Variants in CDHR3 observed in about 807,000 individuals in gnomAD.
CDHR3 encodes the protein cadherin-related family member 3.
Under a neutral mutation model 86.6 loss-of-function variants are expected in CDHR3, and 79 were observed. The ratio of observed to expected loss-of-function variants is 0.91; its 90% CI spans 0.76 to 1.10. The LOEUF is 1.10. Ranked by LOEUF, CDHR3 falls within the 50% of genes least tolerant of loss-of-function variation. The pLI is 0.00. For synonymous variants in CDHR3, 421 were observed against 402.4 expected, an observed-to-expected ratio of 1.05 and a Z score of -0.55; for missense variants, 1,081 against 1,077.6, an observed-to-expected ratio of 1.00 and a Z score of -0.04.
chr7:106,001,523 A>G lies in CDHR3; in HGVS notation c.775A>G (p.Thr259Ala). 1 of 1,613,926 alleles carries G rather than the reference A, an allele frequency of 6.2e-7. No individual in the cohort carries two copies. Among genetic ancestry groups the G allele is most frequent in the Non-Finnish European group, 8.5e-7 (1 of 1,179,838 alleles). Residue 259 changes from threonine (T) to alanine (A), a missense_variant, in exon 7 of 19, where the codon ACA (threonine) becomes GCA (alanine). By Grantham distance (58) the Thr-to-Ala change is moderately conservative. Transcript: ENST00000317716. ...TCCAGGAACCATCGTGGCCAATATC[A>G]CAGCGGAGGATCCTGATGATGAAGG... The part of the protein sequence containing the change: ...LSPGTIVANI[T>A]AEDPDDEGFP...
At chr7:105,964,214 A>G (rs1363142991) in intron 1 of CDHR3, among the ~76,000 whole-genome samples, 2 of 152,142 alleles carry the variant, frequency 1.3e-5, no homozygotes, top group African/African-American at 4.8e-5. Context: ...TTTCCTTCAT[A>G]TAGATTTGGT....
intron 12 of CDHR3, among the ~76,000 whole-genome samples, chr7:106,018,947 G>A (rs1449997616): frequency 6.6e-6 from 1 of 152,100 alleles, no homozygotes; most frequent in South Asian, 2.1e-4. Context: ...CGGCGCTGCT[G>A]GTCCCCTGCC....
chr7:106,000,399 C>T (rs1832956545), intron 6 of CDHR3, among the ~76,000 whole-genome samples: 1 of 152,232 alleles, frequency 6.6e-6, no homozygotes, highest in Non-Finnish European at 1.5e-5. Context: ...ATTTCTCCTT[C>T]CTCTGGCCCT....
Position 106,018,023 on chromosome 7 carries a change from A to G in CDHR3, c.1604A>G (p.Tyr535Cys), listed in dbSNP as rs759931588. The G allele has an allele frequency of 3.1e-6, 5 of 1,613,870 alleles. No homozygotes were observed. Among genetic ancestry groups the G allele is most frequent in the Non-Finnish European group, 3.4e-6 (4 of 1,179,842 alleles). The change falls in exon 12 of 19, where the codon TAT becomes TGT. Residue 535 changes from tyrosine (Y) to cysteine (C), a missense_variant. Tyr to Cys is a radical substitution (Grantham distance 194). Coordinates refer to ENST00000317716, the MANE Select transcript of CDHR3 (RefSeq NM_152750.5). ...GTGGACTGTGAAACAACCCCCATCT[A>G]TATTCTCAGAATCCAGGCCACCAAC... Reference protein sequence around the residue: ...TKVDCETTPIYILRIQATNNE... With the variant: ...TKVDCETTPICILRIQATNNE...
chr7:105,991,010 G>C (rs1831272782), intron 4 of CDHR3, among the ~76,000 whole-genome samples: 1 of 152,226 alleles, frequency 6.6e-6, no homozygotes, highest in African/African-American at 2.4e-5. Context: ...GAGAAACCTG[G>C]GGTGGTGGTA....
At chr7:105,994,612 C>G in intron 4 of CDHR3, 139 bp from the exon 5 acceptor site, 1 of 671,814 alleles carries the variant, frequency 1.5e-6, no homozygotes, top group Admixed American at 2.2e-5. Context: ...AATTGGATAA[C>G]TGCTCTTTGA....
At chr7:105,978,170 G>A (rs1377973077) in intron 2 of CDHR3, among the ~76,000 whole-genome samples, 1 of 152,176 alleles carries the variant, frequency 6.6e-6, no homozygotes, top group Admixed American at 6.5e-5. Flanking sequence ...CCCTCATGCT[G>A]CGCTGGTTTG....
intron 4 of CDHR3, among the ~76,000 whole-genome samples, chr7:105,993,025 G>A (rs372434490): frequency 6.6e-6 from 1 of 152,200 alleles, no homozygotes; most frequent in Non-Finnish European, 1.5e-5. Context: ...GCTCAGCAGC[G>A]ATCATAACAC....
intron 6 of CDHR3, among the ~76,000 whole-genome samples, chr7:105,996,930 GGCACTATCCCAGGCACAAA>G (rs1832337839): frequency 6.6e-6 from 1 of 152,032 alleles, no homozygotes; most frequent in African/African-American, 2.4e-5. Flanking sequence ...AAATGTGCCT[GGCACTATCCCAGGCACAAA>G]ATGAAGATCT....
At chr7:105,995,023 G>T (rs1463114377) in intron 5 of CDHR3, among the ~76,000 whole-genome samples, 178 bp downstream of exon 5, 2 of 152,242 alleles carry the variant, frequency 1.3e-5, no homozygotes, top group African/African-American at 4.8e-5. Flanking sequence ...TAAGGCAATT[G>T]TCTGGGAGGC....
intron 2 of CDHR3, among the ~76,000 whole-genome samples, chr7:105,980,609 T>C (rs1254899858): frequency 2.5e-5 from 1 of 40,662 alleles, no homozygotes; most frequent in Non-Finnish European, 5.2e-5. Flanking sequence ...TTTTTTTAAT[T>C]TTTTTTTTTT....
intron 10 of CDHR3, 124 bp from the exon 11 acceptor site, chr7:106,015,803 T>A (rs1338299004): frequency 1.1e-5 from 8 of 743,414 alleles, no homozygotes; most frequent in Non-Finnish European, 1.9e-5. Flanking sequence ...GGAGCTCCCA[T>A]GTCTTAGCCA....
At chr7:106,011,584 A>G (rs776638935) in intron 8 of CDHR3, among the ~76,000 whole-genome samples, 2 of 152,162 alleles carry the variant, frequency 1.3e-5, no homozygotes, top group Non-Finnish European at 2.9e-5. Context: ...GGGAAAACCT[A>G]TAGTACTGTG....
At chr7:105,985,273 A>G (rs1830361355) in intron 4 of CDHR3, among the ~76,000 whole-genome samples, 1 of 152,192 alleles carries the variant, frequency 6.6e-6, no homozygotes, top group Admixed American at 6.5e-5. Context: ...TGGACGCCTC[A>G]GCTCCTGGCT....
intron 4 of CDHR3, among the ~76,000 whole-genome samples, chr7:105,985,016 G>A (rs985902097): frequency 4.0e-5 from 6 of 150,234 alleles, no homozygotes; most frequent in East Asian, 2.0e-4. Context: ...CTATGATCAC[G>A]TCACTACACT....
At chr7:105,990,210 G>A (rs927069012) in intron 4 of CDHR3, among the ~76,000 whole-genome samples, 4 of 152,112 alleles carry the variant, frequency 2.6e-5, no homozygotes, top group South Asian at 2.1e-4. Flanking sequence ...CAGCTTTATC[G>A]GTGAAGGATT....
At chr7:106,028,917 TTTCTTTC>T (rs1837807865) in intron 17 of CDHR3, among the ~76,000 whole-genome samples, 1 of 27,882 alleles carries the variant, frequency 3.6e-5, no homozygotes, top group African/African-American at 1.5e-4. Flanking sequence ...AGATTTAAAT[TTTCTTTC>T]TTTCTTTCTT....
At chr7:106,029,130 C>A (rs1429733579) in intron 17 of CDHR3, among the ~76,000 whole-genome samples, 1 of 152,068 alleles carries the variant, frequency 6.6e-6, no homozygotes, top group Non-Finnish European at 1.5e-5. Flanking sequence ...CAGACACGTG[C>A]CACCACGCCT....
intron 17 of CDHR3, among the ~76,000 whole-genome samples, chr7:106,028,918 TTCTTTC>T (rs1837810169): frequency 3.4e-5 from 2 of 58,558 alleles, no homozygotes; most frequent in Non-Finnish European, 6.8e-5. Context: ...GATTTAAATT[TTCTTTC>T]TTTCTTTCTT....
Sources: gnomAD v4.1 joint callset for allele counts (sites outside exome capture counted in the v4.1 genomes callset) on GRCh38, gnomAD v4.1.1 for gene constraint, MANE v1.5 for transcripts, NCBI Gene and HGNC (gene_info 2026-07-23, HGNC 2026-07-21) for gene names.